Variants in FYN observed in about 807,000 individuals in gnomAD.
FYN encodes tyrosine-protein kinase Fyn.
In FYN, 10 loss-of-function variants were observed where a neutral mutation model predicts 70.2. That is an observed-to-expected ratio of 0.14 (90% confidence interval 0.09 to 0.24). The LOEUF (loss-of-function observed/expected upper bound fraction) is 0.24, where lower values mean the gene tolerates loss of function less well. Ranked by LOEUF, FYN falls within the 10% of genes least tolerant of loss-of-function variation. The pLI is 1.00. For missense variants in FYN, 319 were observed against 673.1 expected (o/e 0.47, Z 5.82); for synonymous variants, 236 against 248.6 (o/e 0.95, Z 0.48).
At chr6:111,727,257 T>A (rs901353554) in intron 3 of FYN, among the ~76,000 whole-genome samples, 1 of 152,226 alleles carries the variant, frequency 6.6e-6, no homozygotes, top group African/African-American at 2.4e-5. Flanking sequence ...TTTGGGCCGA[T>A]GACACTGAAG....
chr6:111,725,711 C>T (rs1444454181), intron 3 of FYN, among the ~76,000 whole-genome samples: 2 of 152,238 alleles, frequency 1.3e-5, no homozygotes, highest in Admixed American at 6.5e-5. Flanking sequence ...TGGGAAAGTC[C>T]TCTCTTTGCT....
chr6:111,825,992 T>A (rs2114388691), intron 2 of FYN, among the ~76,000 whole-genome samples: 1 of 152,278 alleles, frequency 6.6e-6, no homozygotes, highest in South Asian at 2.1e-4. Context: ...GCGAGTATTC[T>A]ATAATTTCAT....
intron 3 of FYN, among the ~76,000 whole-genome samples, chr6:111,727,221 C>T (rs1281935030): frequency 6.6e-5 from 10 of 152,264 alleles, no homozygotes; most frequent in South Asian, 2.1e-4. Flanking sequence ...CATCTTCCTT[C>T]GTGCGGTTTG....
intron 2 of FYN, among the ~76,000 whole-genome samples, chr6:111,820,464 T>C (rs1390189007): frequency 6.6e-6 from 1 of 152,056 alleles, no homozygotes; most frequent in East Asian, 1.9e-4. Flanking sequence ...AAAATTAATA[T>C]ATTACTATTA....
intron 3 of FYN, 138 bp downstream of exon 3, chr6:111,780,428 T>C (rs1198593925): frequency 2.0e-5 from 3 of 152,494 alleles, no homozygotes; most frequent in Non-Finnish European, 4.4e-5. Flanking sequence ...ATCAATTCAA[T>C]GTCACATTTA....
intron 1 of FYN, among the ~76,000 whole-genome samples, chr6:111,857,815 C>T (rs1271819027): frequency 1.3e-5 from 2 of 149,772 alleles, no homozygotes; most frequent in Non-Finnish European, 2.9e-5. Flanking sequence ...GTGTCCCTTT[C>T]GTTCTCCTTC....
Position 111,842,360 on chromosome 6 carries a change from C to T in FYN, c.-82+4229G>A, listed in dbSNP as rs144454238. 4.3e-3 allele frequency among the ~76,000 whole-genome samples: 652 copies of T among 152,314 alleles called. 4 individuals carry two copies. Among genetic ancestry groups the T allele is most frequent in the African/African-American group, 0.015 (623 of 41,564 alleles). On this transcript the variant is annotated intron_variant, in intron 2 of 13. Coordinates refer to ENST00000354650, the MANE Select transcript of FYN (RefSeq NM_002037.5). ...TCAGAGGCACCAGAAGCACCTGAGT[C>T]CTGCCCCTGCAACCCGCCCATGCCC...
At chr6:111,868,887 A>G (rs771619410) in intron 1 of FYN, among the ~76,000 whole-genome samples, 1 of 152,216 alleles carries the variant, frequency 6.6e-6, no homozygotes, top group Non-Finnish European at 1.5e-5. Flanking sequence ...CATATAGTAA[A>G]TGCTCAACAA....
chr6:111,787,685 T>C (rs1381935211), intron 2 of FYN, among the ~76,000 whole-genome samples: 1 of 152,186 alleles, frequency 6.6e-6, no homozygotes, highest in East Asian at 1.9e-4. Flanking sequence ...CATATGCCAA[T>C]GGGTTTTAGT....
At chr6:111,852,634 G>C (rs1433342202) in intron 1 of FYN, among the ~76,000 whole-genome samples, 1 of 151,852 alleles carries the variant, frequency 6.6e-6, no homozygotes, top group Non-Finnish European at 1.5e-5. Context: ...AACTGTGTCA[G>C]AAAAATACGA....
chr6:111,857,970 T>C (rs1040761357), intron 1 of FYN, among the ~76,000 whole-genome samples: 4 of 152,166 alleles, frequency 2.6e-5, no homozygotes, highest in Admixed American at 6.5e-5. Flanking sequence ...AATACCTCAC[T>C]GGGGCTCAGT....
At chr6:111,802,578 C>A (rs1179568100) in intron 2 of FYN, among the ~76,000 whole-genome samples, 5 of 151,976 alleles carry the variant, frequency 3.3e-5, no homozygotes, top group Non-Finnish European at 7.4e-5. Context: ...ACTACAGGTG[C>A]CTGCTATCAC....
intron 1 of FYN, among the ~76,000 whole-genome samples, chr6:111,851,129 C>A (rs1773674281): frequency 6.6e-6 from 1 of 152,150 alleles, no homozygotes; most frequent in Non-Finnish European, 1.5e-5. Context: ...ATTGGTACTA[C>A]CCCAGGGGCA....
intron 3 of FYN, among the ~76,000 whole-genome samples, chr6:111,752,769 A>G (rs1471696670): frequency 6.6e-6 from 1 of 152,092 alleles, no homozygotes; most frequent in Non-Finnish European, 1.5e-5. Flanking sequence ...TGGCAGCTCC[A>G]TGCAGAATGG....
Position 111,873,293 on chromosome 6 carries a change from G to C in FYN, c.-448C>G, listed in dbSNP as rs1057979. The C allele has an allele frequency of 0.39, 58,291 of 150,128 alleles. 14,865 individuals are homozygous for C. Among genetic ancestry groups the C allele is most frequent in the African/African-American group, 0.73 (29,839 of 40,848 alleles). The allele number at this position is 150,128 out of a possible 1,614,324, so 9.3% of individuals were successfully genotyped here. On this transcript the variant is annotated 5_prime_UTR_variant, in exon 1 of 14. Transcript: ENST00000354650. Reference sequence around the variant, plus strand: ...ACCTCGCCTCTACTCTCGCCGCCGGGCGGCGGGCGGGTCTCGAAGGCCTTC... The same window carrying C: ...ACCTCGCCTCTACTCTCGCCGCCGGCCGGCGGGCGGGTCTCGAAGGCCTTC...
At chr6:111,668,039 C>T (rs1174954317) in intron 13 of FYN, among the ~76,000 whole-genome samples, 1 of 152,232 alleles carries the variant, frequency 6.6e-6, no homozygotes, top group Non-Finnish European at 1.5e-5. Context: ...GGGTCTGAGG[C>T]TCCCCTTGCT....
chr6:111,764,160 T>TA (rs77942021), intron 3 of FYN, among the ~76,000 whole-genome samples: 9,019 of 34,596 alleles, frequency 0.26, 740 homozygotes, highest in African/African-American at 0.43. Context: ...AAATTTTCCA[T>TA]AAAAAAAAAT....
chr6:111,743,045 C>A (rs963967017), intron 3 of FYN, among the ~76,000 whole-genome samples: 1 of 150,632 alleles, frequency 6.6e-6, no homozygotes, highest in Non-Finnish European at 1.5e-5. Flanking sequence ...CGGCTCGTTG[C>A]AACCTCTGCC....
chr6:111,748,668 G>T (rs1237271726), intron 3 of FYN, among the ~76,000 whole-genome samples: 4 of 152,140 alleles, frequency 2.6e-5, no homozygotes, highest in Non-Finnish European at 2.9e-5. Flanking sequence ...TGTAATGTAA[G>T]TATAAAGCAT....
Sources: allele counts gnomAD v4.1 joint callset (sites outside exome capture counted in the v4.1 genomes callset), GRCh38; gene constraint gnomAD v4.1.1; transcripts MANE v1.5; gene names NCBI Gene and HGNC (gene_info 2026-07-23, HGNC 2026-07-21).